Variants in PLCG2 observed in about 807,000 individuals in gnomAD.
The protein encoded by PLCG2 is 1-phosphatidylinositol 4,5-bisphosphate phosphodiesterase gamma-2.
In PLCG2, 69 loss-of-function variants were observed where a neutral mutation model predicts 175.6. The ratio of observed to expected loss-of-function variants is 0.39; its 90% confidence interval spans 0.32 to 0.48. PLCG2 has a LOEUF of 0.48. PLCG2 is among the 20% of genes least tolerant of loss of function. The probability of loss-of-function intolerance (pLI) is 0.91; values close to 1 mark genes in which losing one functional copy is unlikely to be tolerated. For synonymous variants in PLCG2, 827 were observed against 624.0 expected (o/e 1.33, Z -4.85); for missense variants, 1,798 against 1,650.9 (o/e 1.09, Z -1.54).
chr16:81,891,077 C>T lies in PLCG2; in HGVS notation c.868-395C>T, dbSNP rs544671673. 8.5e-5 allele frequency among the ~76,000 whole-genome samples: 13 copies of T among 152,152 alleles called. No homozygotes were observed. The South Asian group carries it at 1.9e-3, about 22-fold the overall frequency. On this transcript the variant is annotated intron_variant, in intron 10 of 32. Transcript: ENST00000564138. Reference sequence around the variant, plus strand: ...GCTTGGGAGGTTGAGGCAGGAGAATCGCTTCAACCCAGGAGGTGGAGGTTG... The same window carrying T: ...GCTTGGGAGGTTGAGGCAGGAGAATTGCTTCAACCCAGGAGGTGGAGGTTG...
intron 1 of PLCG2, among the ~76,000 whole-genome samples, chr16:81,750,975 T>TC: frequency 7.7e-6 from 1 of 129,898 alleles, no homozygotes; most frequent in African/African-American, 3.2e-5. Flanking sequence ...ACCCAGCTTT[T>TC]TTTTTTTTTT....
chr16:81,876,070 G>C (rs1907774327), intron 7 of PLCG2, among the ~76,000 whole-genome samples: 1 of 142,738 alleles, frequency 7.0e-6, no homozygotes, highest in Non-Finnish European at 1.5e-5. Context: ...TTGTCACCGA[G>C]GCTGGGGTGC....
At chr16:81,841,395 C>T (rs958441662) in intron 2 of PLCG2, among the ~76,000 whole-genome samples, 3 of 152,022 alleles carry the variant, frequency 2.0e-5, no homozygotes. Context: ...CGCTTACTAC[C>T]ATGCCCAGCT....
Position 81,934,673 on chromosome 16 carries a change from C to A in PLCG2, c.2842+142C>A, listed in dbSNP as rs1910635506. ...TAGATGGCCCCACCTTGGGTTTGTC[C>A]TCCGAGTGAGGGAGCTGGTGGCAGA... On this transcript the variant is annotated intron_variant, in intron 26 of 32. Transcript: ENST00000564138. 3 of 645,512 alleles carry A rather than the reference C, an allele frequency of 4.6e-6. No individual in the cohort carries two copies. The African/African-American group carries it at 5.5e-5, about 12-fold the overall frequency. 40.0% of individuals were successfully genotyped at this position (645,512 alleles called of 1,614,324 possible).
Position 81,875,396 on chromosome 16 carries a change from G to C in PLCG2, c.648+4461G>C, listed in dbSNP as rs56781211. ...CTTTGCTGAAGGCCTGTTTACTGCA[G>C]GGTAGTAAGCTGCAGAGCTAGGATT... On this transcript the variant is annotated intron_variant, in intron 7 of 32. Coordinates refer to ENST00000564138, the MANE Select transcript of PLCG2 (RefSeq NM_002661.5). 6.3e-3 allele frequency among the ~76,000 whole-genome samples: 953 copies of C among 152,320 alleles called. 10 individuals are homozygous for C. The highest frequency in any genetic ancestry group is 0.019 in the African/African-American group (805 of 41,560).
intron 30 of PLCG2, among the ~76,000 whole-genome samples, chr16:81,940,284 A>G (rs775098294): frequency 1.3e-5 from 2 of 152,166 alleles, no homozygotes; most frequent in Non-Finnish European, 2.9e-5. Flanking sequence ...GATGTTTACA[A>G]GCAAAACTGG....
intron 10 of PLCG2, among the ~76,000 whole-genome samples, chr16:81,890,102 G>A (rs917085286): frequency 2.6e-5 from 4 of 152,122 alleles, no homozygotes; most frequent in East Asian, 1.9e-4. Context: ...AGAGCCATGC[G>A]AACGCCCGAA....
At chr16:81,858,001 A>C (rs1906769320) in intron 3 of PLCG2, 1 of 460,034 alleles carries the variant, frequency 2.2e-6, no homozygotes, top group Non-Finnish European at 4.0e-6. Flanking sequence ...CTCCATTCTT[A>C]GCTGATTCCA....
Position 81,939,977 on chromosome 16 carries a change from C to G in PLCG2, c.3399C>G (p.Arg1133=), listed in dbSNP as rs1910872580. 6.2e-7 allele frequency: 1 copy of G among 1,613,962 alleles called. No individual in the cohort carries two copies. The highest frequency in any genetic ancestry group is 8.5e-7 in the Non-Finnish European group (1 of 1,179,826). ...ATGACCCAAACCTGGCATTTCTGCG[C>G]TTTGTGGTTTATGAAGAAGATATGT... The part of the protein sequence containing the change: ...EIYDPNLAFL[R]FVVYEEDMFS... Residue 1133 remains arginine, a synonymous_variant, in exon 30 of 33, where the codon CGC becomes CGG. Transcript: ENST00000564138.
At chr16:81,848,468 C>G (rs540898014) in intron 2 of PLCG2, among the ~76,000 whole-genome samples, 24 of 152,118 alleles carry the variant, frequency 1.6e-4, no homozygotes, top group African/African-American at 5.8e-4. Flanking sequence ...TTCTTTCTTA[C>G]CATGCTCTGT....
intron 2 of PLCG2, among the ~76,000 whole-genome samples, chr16:81,848,683 T>A (rs1378482459): frequency 6.6e-6 from 1 of 152,194 alleles, no homozygotes; most frequent in Non-Finnish European, 1.5e-5. Flanking sequence ...TCTCTGTCCC[T>A]TTCCTCTTTC....
chr16:81,948,375 C>T (rs149990947), intron 31 of PLCG2, among the ~76,000 whole-genome samples: 1 of 150,916 alleles, frequency 6.6e-6, no homozygotes, highest in Non-Finnish European at 1.5e-5. Flanking sequence ...CATGGGCAAA[C>T]TGGCCATTTC....
At chr16:81,874,958 T>TA (rs1277615284) in intron 7 of PLCG2, among the ~76,000 whole-genome samples, 1 of 142,790 alleles carries the variant, frequency 7.0e-6, no homozygotes, top group Non-Finnish European at 1.5e-5. Context: ...GTTTTTTTTT[T>TA]TTTTTTTTTT....
chr16:81,880,783 A>G (rs1470179670), intron 7 of PLCG2, 127 bp from the exon 8 acceptor site: 3 of 827,672 alleles, frequency 3.6e-6, no homozygotes, highest in Admixed American at 2.4e-5. Flanking sequence ...ACATCAACTA[A>G]AATGATATTT....
intron 2 of PLCG2, among the ~76,000 whole-genome samples, chr16:81,819,663 C>T (rs1366026306): frequency 2.0e-5 from 3 of 152,218 alleles, no homozygotes; most frequent in Admixed American, 6.5e-5. Flanking sequence ...CGGCTCACTG[C>T]AACCTCCGCC....
Position 81,850,985 on chromosome 16 carries a change from G to A in PLCG2, c.194-3459G>A, listed in dbSNP as rs569354600. On this transcript the variant is annotated intron_variant, in intron 2 of 32. Transcript: ENST00000564138. ...AACAAGATTTATAGTGCAAGGTCTGGATGGGGTCCCCACTTGTTATGGGTC... is the reference window on the plus strand; with the variant it reads ...AACAAGATTTATAGTGCAAGGTCTGAATGGGGTCCCCACTTGTTATGGGTC... Among the ~76,000 whole-genome samples, 112 of 152,228 alleles carry A rather than the reference G, an allele frequency of 7.4e-4. 2 individuals are homozygous for A. In the South Asian group the frequency reaches 0.023, roughly 31 times the overall value.
In PLCG2 at chr16:81,961,871, G is replaced by A. The variant is rs948804535; in HGVS notation, c.*3873G>A. 3 of 199,882 alleles carry A rather than the reference G, an allele frequency of 1.5e-5. No homozygotes were observed. The highest frequency in any genetic ancestry group is 6.9e-5 in the African/African-American group (3 of 43,450). 12.4% of individuals were successfully genotyped at this position (199,882 alleles called of 1,614,324 possible). A position where few individuals can be genotyped will look rare whatever the true frequency, so the allele number is the denominator to read the frequency against. ...ATATAGCAATGTGCAAGAAGATAGAGATTTTCAAAATTCACTTAAGAGTAT... is the reference window on the plus strand; with the variant it reads ...ATATAGCAATGTGCAAGAAGATAGAAATTTTCAAAATTCACTTAAGAGTAT... On this transcript the variant is annotated 3_prime_UTR_variant, in exon 33 of 33. Coordinates refer to ENST00000564138, the MANE Select transcript of PLCG2 (RefSeq NM_002661.5).
chr16:81,871,408 G>C (rs1907507669), intron 7 of PLCG2, among the ~76,000 whole-genome samples: 1 of 152,172 alleles, frequency 6.6e-6, no homozygotes, highest in Non-Finnish European at 1.5e-5. Flanking sequence ...GTGTGATCTT[G>C]GTTCACTGCA....
In PLCG2 at chr16:81,937,909, G is replaced by T. The variant is rs752647511; in HGVS notation, c.3198+6G>T. 4 of 1,613,732 alleles carry T rather than the reference G, an allele frequency of 2.5e-6. No individual in the cohort carries two copies. Among genetic ancestry groups the T allele is most frequent in the Non-Finnish European group, 8.5e-7 (1 of 1,179,822 alleles). On this transcript the variant is annotated splice_donor_region_variant and intron_variant, in intron 28 of 32. Coordinates refer to ENST00000564138, the MANE Select transcript of PLCG2 (RefSeq NM_002661.5). ...TGATGACGCTGACAGTCAAGGTAAA[G>T]CCAGCCCTCCCTTCCTGCCAGGGGA... is the stretch of plus-strand genomic sequence containing the variant.
Sources: gnomAD v4.1 joint callset for allele counts (sites outside exome capture counted in the v4.1 genomes callset) on GRCh38, gnomAD v4.1.1 for gene constraint, MANE v1.5 for transcripts, NCBI Gene and HGNC (gene_info 2026-07-23, HGNC 2026-07-21) for gene names.